ANKRD27: variants seen among roughly 807,000 people sequenced by gnomAD.
ANKRD27 encodes ankyrin repeat domain 27.
In ANKRD27, 112 loss-of-function variants were observed where a neutral mutation model predicts 129.7. The ratio of observed to expected loss-of-function variants is 0.86; its 90% CI spans 0.74 to 1.01. The LOEUF is 1.01. Among genes scored for constraint, ANKRD27 ranks in the 50% least tolerant of loss-of-function variants. The pLI is 0.00. For synonymous variants in ANKRD27, 516 were observed against 511.2 expected, an observed-to-expected ratio of 1.01 and a Z score of -0.13; for missense variants, 1,258 against 1,300.5, an observed-to-expected ratio of 0.97 and a Z score of 0.50.
intron 9 of ANKRD27, among the ~76,000 whole-genome samples, 173 bp from the exon 10 acceptor site, chr19:32,642,318 C>G (rs188123409): frequency 6.6e-6 from 1 of 152,134 alleles, no homozygotes; most frequent in Admixed American, 6.5e-5. Flanking sequence ...AACAGAAGAG[C>G]CTTCAATCCC....
At chr19:32,673,450 G>A in intron 1 of ANKRD27, 1 of 985,384 alleles carries the variant, frequency 1.0e-6, no homozygotes, top group Non-Finnish European at 1.2e-6. Context: ...ATTCCTCAAA[G>A]GATTCCCCTG....
chr19:32,621,470 T>C (rs944210521), intron 18 of ANKRD27, among the ~76,000 whole-genome samples: 19 of 151,880 alleles, frequency 1.3e-4, no homozygotes, highest in African/African-American at 3.9e-4. Context: ...CTACTAAAAA[T>C]ACAAAAAATT....
intron 9 of ANKRD27, 66 bp downstream of exon 9, chr19:32,643,057 T>C: frequency 6.6e-7 from 1 of 1,519,756 alleles, no homozygotes; most frequent in South Asian, 1.1e-5. Context: ...CGAGAGGGCC[T>C]GCTTCCGGGA....
At chr19:32,632,894 G>C (rs1967021986) in intron 12 of ANKRD27, among the ~76,000 whole-genome samples, 1 of 152,116 alleles carries the variant, frequency 6.6e-6, no homozygotes, top group Non-Finnish European at 1.5e-5. Context: ...GCCATTCCTG[G>C]GGTCCTCTGC....
At position 32,626,541 on chromosome 19, in the gene ANKRD27, G is replaced by A. The variant is rs537722654; in HGVS notation, c.1536+171C>T. 3.4e-4 allele frequency among the ~76,000 whole-genome samples: 51 copies of A among 152,112 alleles called. 1 individual carries two copies. Among genetic ancestry groups the A allele is most frequent in the Non-Finnish European group, 5.7e-4 (39 of 68,000 alleles). On this transcript the variant is annotated intron_variant, in intron 16 of 28. Transcript: ENST00000306065. Reference sequence around the variant, plus strand: ...TCAGAAAGTCTTCCCAGGAGACCCCGGGAGTCCTTGGACTCCCTGACTACT... The same window carrying A: ...TCAGAAAGTCTTCCCAGGAGACCCCAGGAGTCCTTGGACTCCCTGACTACT...
At chr19:32,611,036 TG>T in intron 22 of ANKRD27, among the ~76,000 whole-genome samples, 1 of 152,000 alleles carries the variant, frequency 6.6e-6, no homozygotes. Context: ...TAGAAGAGGA[TG>T]GGGGGAGTGG....
chr19:32,656,111 A>AAGAAAG (rs1568417831), intron 2 of ANKRD27, among the ~76,000 whole-genome samples: 1 of 111,370 alleles, frequency 9.0e-6, no homozygotes, highest in African/African-American at 3.5e-5. Flanking sequence ...AAGAAAGAAA[A>AAGAAAG]GAAAAGAAAA....
At chr19:32,646,082 C>A (rs1338440136) in intron 4 of ANKRD27, among the ~76,000 whole-genome samples, 2 of 152,028 alleles carry the variant, frequency 1.3e-5, no homozygotes, top group African/African-American at 4.8e-5. Flanking sequence ...CAGGTGCATG[C>A]CACCACACCT....
chr19:32,642,597 G>C (rs1417173715), intron 9 of ANKRD27, among the ~76,000 whole-genome samples: 1 of 152,098 alleles, frequency 6.6e-6, no homozygotes, highest in Non-Finnish European at 1.5e-5. Context: ...AATTAGCAGG[G>C]CATGGTAGTG....
chr19:32,608,507 TA>T lies in ANKRD27; in HGVS notation c.2176-676del, dbSNP rs35210767. ...TTGATGATTAAAAATGTTACCTCTTTAAAAAAAAAAACTGTATGCTAAATTA... is the reference window on the plus strand; with the variant it reads ...TTGATGATTAAAAATGTTACCTCTTTAAAAAAAAAACTGTATGCTAAATTA... On this transcript the variant is annotated intron_variant, in intron 22 of 28. Coordinates refer to ENST00000306065, the MANE Select transcript of ANKRD27 (RefSeq NM_032139.3). 4.4e-3 allele frequency: 925 copies of T among 211,876 alleles called. 1 individual carries two copies. Among genetic ancestry groups the T allele is most frequent in the African/African-American group, 0.01 (426 of 42,238 alleles). 13.1% of individuals were successfully genotyped at this position (211,876 alleles called of 1,614,324 possible).
intron 2 of ANKRD27, among the ~76,000 whole-genome samples, chr19:32,656,346 C>T (rs1039679914): frequency 6.6e-6 from 1 of 152,182 alleles, no homozygotes; most frequent in Non-Finnish European, 1.5e-5. Flanking sequence ...GAAATATTCC[C>T]GCAGTACGGC....
intron 28 of ANKRD27, among the ~76,000 whole-genome samples, chr19:32,598,718 C>T (rs185248022): frequency 1.3e-5 from 2 of 152,304 alleles, no homozygotes; most frequent in East Asian, 3.9e-4. Flanking sequence ...CTTGATGGAA[C>T]TCAGGCAGAT....
intron 28 of ANKRD27, among the ~76,000 whole-genome samples, chr19:32,599,125 C>CA (rs892725843): frequency 6.6e-6 from 1 of 151,980 alleles, no homozygotes; most frequent in African/African-American, 2.4e-5. Flanking sequence ...ACTAAAAATA[C>CA]AAAAAAATTA....
In ANKRD27 at chr19:32,604,096, G is replaced by A. The variant is rs564779875; in HGVS notation, c.2655+167C>T. 2.6e-5 allele frequency among the ~76,000 whole-genome samples: 4 copies of A among 152,340 alleles called. No individual in the cohort carries two copies. In the South Asian group the frequency reaches 8.3e-4, roughly 32 times the overall value. ...GCACCACCTCTGACCAGGAGACTGA[G>A]GACCAGCCATCTACCCACGCTGTGG... On this transcript the variant is annotated intron_variant, in intron 25 of 28. Coordinates refer to ENST00000306065, the MANE Select transcript of ANKRD27 (RefSeq NM_032139.3).
At chr19:32,633,733 G>C (rs1238919536) in intron 12 of ANKRD27, among the ~76,000 whole-genome samples, 8 of 151,876 alleles carry the variant, frequency 5.3e-5, no homozygotes, top group Non-Finnish European at 1.5e-5. Context: ...CATGCTTAAA[G>C]AATGTTGAGC....
chr19:32,640,498 C>A lies in ANKRD27; in HGVS notation c.905-113G>T, dbSNP rs572234648. 1.3e-5 allele frequency: 11 copies of A among 834,530 alleles called. No homozygotes were observed. In the East Asian group the frequency reaches 2.6e-4, roughly 20 times the overall value. 51.7% of individuals were successfully genotyped at this position (834,530 alleles called of 1,614,324 possible). On this transcript the variant is annotated intron_variant, in intron 10 of 28. Transcript: ENST00000306065. ...GAAACCACGTATCAGGGAGATCATA[C>A]ACTGGGGGAGAAATGTCATTGCACA...
intron 1 of ANKRD27, among the ~76,000 whole-genome samples, chr19:32,670,479 G>C (rs1967848044): frequency 6.6e-6 from 1 of 152,046 alleles, no homozygotes; most frequent in South Asian, 2.1e-4. Flanking sequence ...TTTGAGACCA[G>C]CCTGGCCAAC....
chr19:32,674,296 T>C (rs1967934661), intron 1 of ANKRD27, among the ~76,000 whole-genome samples: 1 of 152,202 alleles, frequency 6.6e-6, no homozygotes, highest in South Asian at 2.1e-4. Flanking sequence ...CTGAGCTCTC[T>C]GCAGCCTCAC....
Position 32,619,389 on chromosome 19 carries a change from A to T in ANKRD27, c.1888-10T>A, listed in dbSNP as rs1023893602. ...GGGACTGCACAGGGGCCTGCAGCCAAGGAGCCCCAACGAGAGAGAGGACAG... is the reference window on the plus strand; with the variant it reads ...GGGACTGCACAGGGGCCTGCAGCCATGGAGCCCCAACGAGAGAGAGGACAG... On this transcript the variant is annotated splice_polypyrimidine_tract_variant and intron_variant, in intron 19 of 28. Coordinates refer to ENST00000306065, the MANE Select transcript of ANKRD27 (RefSeq NM_032139.3). The T allele has an allele frequency of 6.2e-7, 1 of 1,613,714 alleles. No homozygotes were observed. The highest frequency in any genetic ancestry group is 1.3e-5 in the African/African-American group (1 of 75,048).
Sources: gnomAD v4.1 joint callset for allele counts (sites outside exome capture counted in the v4.1 genomes callset) on GRCh38, gnomAD v4.1.1 for gene constraint, MANE v1.5 for transcripts, NCBI Gene and HGNC (gene_info 2026-07-23, HGNC 2026-07-21) for gene names.